The following DNAJC5B variants were observed in gnomAD, a reference collection of about 807,000 sequenced individuals.
DNAJC5B encodes DnaJ heat shock protein family (Hsp40) member C5 beta, also known as dnaJ homolog subfamily C member 5B.
In DNAJC5B, 23 loss-of-function variants were observed where a neutral mutation model predicts 24.7. The ratio of observed to expected loss-of-function variants is 0.93; its 90% CI spans 0.67 to 1.32. The LOEUF is 1.32. DNAJC5B is among the 40% of genes most tolerant of loss of function. The pLI is 0.00. For synonymous variants in DNAJC5B, 101 were observed against 90.1 expected, an observed-to-expected ratio of 1.12 and a Z score of -0.68; for missense variants, 238 against 240.8, an observed-to-expected ratio of 0.99 and a Z score of 0.08.
In DNAJC5B at chr8:66,091,186, T is replaced by C. The variant is rs558994239; in HGVS notation, c.506-8751T>C. ...GAGGAAATGAAGACATAGTTCCTGGTACTTTGGACCTTACAAACTAGAAGG... is the reference window on the plus strand; with the variant it reads ...GAGGAAATGAAGACATAGTTCCTGGCACTTTGGACCTTACAAACTAGAAGG... On this transcript the variant is annotated intron_variant, in intron 5 of 5. Transcript: ENST00000276570. Among the ~76,000 whole-genome samples the C allele has an allele frequency of 6.6e-5, 10 of 152,308 alleles. No individual in the cohort carries two copies. In the East Asian group the frequency reaches 1.9e-3, roughly 29 times the overall value.
At chr8:66,037,569 A>T (rs1191163333) in intron 1 of DNAJC5B, among the ~76,000 whole-genome samples, 1 of 152,230 alleles carries the variant, frequency 6.6e-6, no homozygotes. Flanking sequence ...GTACCAGATG[A>T]CACAACTCAT....
intron 2 of DNAJC5B, among the ~76,000 whole-genome samples, chr8:66,044,812 T>C (rs1806689937): frequency 6.6e-6 from 1 of 152,220 alleles, no homozygotes; most frequent in Non-Finnish European, 1.5e-5. Context: ...CCCCATTGGA[T>C]GCCTGATAGA....
At chr8:66,026,031 G>T (rs1443458955) in intron 1 of DNAJC5B, among the ~76,000 whole-genome samples, 1 of 110,386 alleles carries the variant, frequency 9.1e-6, no homozygotes, top group Non-Finnish European at 1.7e-5. Flanking sequence ...CCATTTTCAC[G>T]ATATTGATTC....
intron 3 of DNAJC5B, among the ~76,000 whole-genome samples, chr8:66,072,773 T>C (rs191368223): frequency 6.6e-5 from 10 of 152,232 alleles, no homozygotes; most frequent in Admixed American, 3.9e-4. Flanking sequence ...ATGCACATAT[T>C]AGAAAACCAA....
chr8:66,030,082 T>G (rs1159282185), intron 1 of DNAJC5B, among the ~76,000 whole-genome samples: 1 of 152,244 alleles, frequency 6.6e-6, no homozygotes, highest in Non-Finnish European at 1.5e-5. Context: ...TATCTTTTAT[T>G]GCCCTTCATA....
At chr8:66,033,823 T>C (rs1267401477) in intron 1 of DNAJC5B, among the ~76,000 whole-genome samples, 5 of 148,420 alleles carry the variant, frequency 3.4e-5, no homozygotes. Flanking sequence ...AAACTTTAGA[T>C]GCCTTGAGAG....
chr8:66,069,593 G>A (rs889356353), intron 3 of DNAJC5B, among the ~76,000 whole-genome samples: 10 of 152,184 alleles, frequency 6.6e-5, no homozygotes, highest in African/African-American at 2.4e-4. Context: ...AGAAAGTCCA[G>A]GACCAGATGG....
chr8:66,055,620 C>A (rs558141414), intron 3 of DNAJC5B, among the ~76,000 whole-genome samples: 46 of 140,718 alleles, frequency 3.3e-4, no homozygotes, highest in East Asian at 9.6e-4. Context: ...TTTGTATACC[C>A]TTCTAGAGAG....
In DNAJC5B at chr8:66,094,046, G is replaced by A. The variant is rs371472830; in HGVS notation, c.506-5891G>A. ...TCTGGGCTTTCTGTTCTAGTCCGTT[G>A]GTCTTTTTTTTTATGCAATACCAAG... On this transcript the variant is annotated intron_variant, in intron 5 of 5. Transcript: ENST00000276570. Among the ~76,000 whole-genome samples the A allele has an allele frequency of 3.9e-5, 6 of 152,006 alleles. No individual in the cohort carries two copies. In the South Asian group the frequency reaches 8.3e-4, roughly 21 times the overall value.
At chr8:66,018,376 G>T (rs6984120), upstream of DNAJC5B, among the ~76,000 whole-genome samples, 84 of 107,364 alleles carry the variant, frequency 7.8e-4, no homozygotes, top group African/African-American at 7.7e-3. Flanking sequence ...AAATTAGCTG[G>T]GCGTGGTGGG....
upstream of DNAJC5B, among the ~76,000 whole-genome samples, chr8:66,016,595 A>G (rs1037932338): frequency 4.1e-4 from 62 of 152,302 alleles, no homozygotes; most frequent in African/African-American, 1.4e-3. Context: ...AAGACAAACT[A>G]ATACAATGAG....
At chr8:66,053,236 T>C (rs1288196912) in intron 3 of DNAJC5B, among the ~76,000 whole-genome samples, 1 of 152,248 alleles carries the variant, frequency 6.6e-6, no homozygotes, top group East Asian at 1.9e-4. Context: ...CATTGAAGTC[T>C]AAATTTGCTA....
At chr8:66,047,115 T>C (rs1030107474) in intron 2 of DNAJC5B, among the ~76,000 whole-genome samples, 10 of 152,220 alleles carry the variant, frequency 6.6e-5, no homozygotes, top group Admixed American at 4.6e-4. Context: ...GGAAGACTTA[T>C]GTAGGACGCC....
intron 3 of DNAJC5B, among the ~76,000 whole-genome samples, chr8:66,054,613 T>C (rs982781954): frequency 6.6e-6 from 1 of 152,162 alleles, no homozygotes; most frequent in African/African-American, 2.4e-5. Flanking sequence ...TTAAGAAGCA[T>C]GTTTTGAAGA....
chr8:66,066,048 C>T (rs2128962057), intron 3 of DNAJC5B, among the ~76,000 whole-genome samples: 1 of 152,204 alleles, frequency 6.6e-6, no homozygotes, highest in Middle Eastern at 3.4e-3. Context: ...GATGGTCAGG[C>T]TATTTTTTAG....
At chr8:66,020,314 T>C (rs932762286), upstream of DNAJC5B, among the ~76,000 whole-genome samples, 3 of 152,230 alleles carry the variant, frequency 2.0e-5, no homozygotes, top group African/African-American at 7.2e-5. Flanking sequence ...TGAAAATAGC[T>C]TGTAAATGAA....
intron 1 of DNAJC5B, among the ~76,000 whole-genome samples, chr8:66,026,215 C>T (rs1168399007): frequency 8.2e-5 from 12 of 145,572 alleles, no homozygotes; most frequent in Non-Finnish European, 1.1e-4. Flanking sequence ...CATGATTTGG[C>T]TCTCTGTTTG....
upstream of DNAJC5B, among the ~76,000 whole-genome samples, chr8:66,021,002 G>A (rs1407353799): frequency 1.3e-5 from 2 of 152,106 alleles, no homozygotes; most frequent in African/African-American, 4.8e-5. Context: ...GAAAACATTA[G>A]TTGCTCAGAA....
At chr8:66,056,196 T>C (rs1382081062) in intron 3 of DNAJC5B, among the ~76,000 whole-genome samples, 1 of 151,940 alleles carries the variant, frequency 6.6e-6, no homozygotes, top group Non-Finnish European at 1.5e-5. Context: ...CTTTTCCCAA[T>C]ACCCAATCTA....
Sources: gnomAD v4.1 joint callset for allele counts (sites outside exome capture counted in the v4.1 genomes callset) on GRCh38, gnomAD v4.1.1 for gene constraint, MANE v1.5 for transcripts, NCBI Gene and HGNC (gene_info 2026-07-23, HGNC 2026-07-21) for gene names.